The following STAT1 variants were observed in gnomAD, a reference collection of about 807,000 sequenced individuals.
STAT1 encodes signal transducer and activator of transcription 1, also known as signal transducer and activator of transcription 1-alpha/beta.
Under a neutral mutation model 111.7 loss-of-function variants are expected in STAT1, and 24 were observed. That is an observed-to-expected ratio of 0.21 (90% confidence interval 0.16 to 0.30). The LOEUF (loss-of-function observed/expected upper bound fraction) is 0.30. Among genes scored for constraint, STAT1 ranks in the 10% least tolerant of loss-of-function variants. The pLI, the probability that STAT1 is intolerant of heterozygous loss-of-function variation, is 1.00. For missense variants in STAT1, 351 were observed against 911.9 expected, an observed-to-expected ratio of 0.38 and a Z score of 7.92; for synonymous variants, 332 against 326.5, an observed-to-expected ratio of 1.02 and a Z score of -0.18.
Position 190,979,774 on chromosome 2 carries a change from A to C in STAT1, c.1725T>G (p.Asp575Glu). Residue 575 changes from aspartate to glutamate, a missense_variant and splice_region_variant, in exon 20 of 25, where the codon GAT (aspartate) becomes GAG (glutamate). Around this residue, in one of 7 missense-constraint regions of STAT1, gnomAD observed 181 missense variants for 426.1 expected, o/e 0.42. Coordinates refer to ENST00000361099, the MANE Select transcript of STAT1 (RefSeq NM_007315.4). This position sits in a 1 kb window ranked among gnomAD's most constrained non-coding sequence, Gnocchi z 5.8. ...ATACATCTATCGGTGGCCCTTACCC[A>C]TCATTCCAGAGAGGGAGCAGGTGTT... is the stretch of plus-strand genomic sequence containing the variant. Reference protein sequence around the residue: ...IKKHLLPLWNDGCIMGFISKE... With the variant: ...IKKHLLPLWNEGCIMGFISKE... The C allele has an allele frequency of 6.2e-7, 1 of 1,611,920 alleles. No individual in the cohort carries two copies. The highest frequency in any genetic ancestry group is 8.5e-7 in the Non-Finnish European group (1 of 1,177,976).
In STAT1 at chr2:190,975,222, G is replaced by A. The variant is rs1235916541; in HGVS notation, c.2136-290C>T. 9 of 460,680 alleles carry A rather than the reference G, an allele frequency of 2.0e-5. No individual in the cohort carries two copies. The highest frequency in any genetic ancestry group is 7.4e-5 in the South Asian group (4 of 54,304). The allele number at this position is 460,680 out of a possible 1,614,324, so 28.5% of individuals were successfully genotyped here. A position where few individuals can be genotyped will look rare whatever the true frequency, so the allele number is the denominator to read the frequency against. The stretch of plus-strand genomic sequence containing the variant: ...GGTAAGCCTAGGTGTGAGCATGTGC[G>A]GTGCACTACCCTGAGATGACAATGC... On this transcript the variant is annotated intron_variant, in intron 23 of 24. Coordinates refer to ENST00000361099, the MANE Select transcript of STAT1 (RefSeq NM_007315.4). The surrounding 1 kb of genome is among the most constrained non-coding windows in gnomAD (Gnocchi z 5.9).
chr2:190,988,521 G>A (rs908732045), intron 12 of STAT1, among the ~76,000 whole-genome samples: 46 of 152,236 alleles, frequency 3.0e-4, no homozygotes, highest in African/African-American at 9.4e-4. Flanking sequence ...TGTGATTACC[G>A]GTGCACACCA....
intron 10 of STAT1, 57 bp from the exon 11 acceptor site, chr2:190,991,377 T>A: frequency 6.5e-7 from 1 of 1,539,556 alleles, no homozygotes; most frequent in South Asian, 1.1e-5. Context: ...GTTGAGGCAA[T>A]CACAATGATT....
chr2:190,992,347 A>C (rs1693430500), intron 10 of STAT1, among the ~76,000 whole-genome samples: 1 of 152,210 alleles, frequency 6.6e-6, no homozygotes, highest in Non-Finnish European at 1.5e-5. Context: ...AAACATCAAA[A>C]CAAAATATAT....
Position 190,997,961 on chromosome 2 carries a change from G to T in STAT1, c.680C>A (p.Thr227Asn), listed in dbSNP as rs1386912031. 1 of 1,614,218 alleles carries T rather than the reference G, an allele frequency of 6.2e-7. No homozygotes were observed. The highest frequency in any genetic ancestry group is 8.5e-7 in the Non-Finnish European group (1 of 1,180,042). The change falls in exon 9 of 25, where the codon ACC (threonine) becomes AAC (asparagine). Residue 227 changes from threonine (T) to asparagine (N), a missense_variant. Thr to Asn is a moderately conservative substitution (Grantham distance 65). Coordinates refer to ENST00000361099, the MANE Select transcript of STAT1 (RefSeq NM_007315.4). The surrounding 1 kb of genome is among the most constrained non-coding windows in gnomAD (Gnocchi z 7.3). ...TTCATCATTAATCAGGGCATTCTGG[G>T]TAAGTTCAGTGACATTCAGCAACTC... ...IIELLNVTEL[T>N]QNALINDELV...
Position 190,986,771 on chromosome 2 carries a change from G to A in STAT1, c.1221+83C>T. The A allele has an allele frequency of 1.5e-6, 2 of 1,335,852 alleles. No individual in the cohort carries two copies. Among genetic ancestry groups the A allele is most frequent in the South Asian group, 1.2e-5 (1 of 85,338 alleles). The allele number at this position is 1,335,852 out of a possible 1,614,324, so 82.7% of individuals were successfully genotyped here. Reference sequence around the variant, plus strand: ...CCCAGCAGGGGGGCGTCCTCCACATGGCAATGTGCCAAAAAGGGCTGCTCT... The same window carrying A: ...CCCAGCAGGGGGGCGTCCTCCACATAGCAATGTGCCAAAAAGGGCTGCTCT... On this transcript the variant is annotated intron_variant, in intron 14 of 24. Transcript: ENST00000361099. The surrounding 1 kb of genome is among the most constrained non-coding windows in gnomAD (Gnocchi z 5.0).
intron 2 of STAT1, among the ~76,000 whole-genome samples, chr2:191,013,234 T>C (rs1695278219): frequency 6.6e-6 from 1 of 152,238 alleles, no homozygotes; most frequent in South Asian, 2.1e-4. Context: ...CACAATGGAC[T>C]GTGCTGGAGG....
Position 190,970,317 on chromosome 2 carries a change from A to G in STAT1, c.*386T>C. ...TCCTACGTCAAGCAGTTCCCTAAAT[A>G]ACCACTGATTTATCCAACAACCTAT... On this transcript the variant is annotated 3_prime_UTR_variant, in exon 25 of 25. Transcript: ENST00000361099. This position sits in a 1 kb window ranked among gnomAD's most constrained non-coding sequence, Gnocchi z 5.4. 4 of 279,650 alleles carry G rather than the reference A, an allele frequency of 1.4e-5. No individual in the cohort carries two copies. The highest frequency in any genetic ancestry group is 2.8e-5 in the Non-Finnish European group (4 of 142,764). 17.3% of individuals were successfully genotyped at this position (279,650 alleles called of 1,614,324 possible).
At position 191,006,233 on chromosome 2, in the gene STAT1, A is replaced by G. The variant is rs948707562; in HGVS notation, c.372+1330T>C. Among the ~76,000 whole-genome samples, 1 of 152,140 alleles carries G rather than the reference A, an allele frequency of 6.6e-6. No individual in the cohort carries two copies. Among genetic ancestry groups the G allele is most frequent in the African/African-American group, 2.4e-5 (1 of 41,424 alleles). On this transcript the variant is annotated intron_variant, in intron 5 of 24. Transcript: ENST00000361099. This position sits in a 1 kb window ranked among gnomAD's most constrained non-coding sequence, Gnocchi z 4.6. ...ATATAATCAAAACTGCCGGCTGAAA[A>G]TCTCCCAGGTATATGCCAGGTTAGA...
chr2:190,985,549 C>A, intron 15 of STAT1, 70 bp downstream of exon 15: 2 of 1,556,354 alleles, frequency 1.3e-6, no homozygotes, highest in African/African-American at 2.7e-5. Flanking sequence ...TCCCCAGCCA[C>A]CAACTGACCT....
chr2:191,010,612 A>G (rs914054445), intron 2 of STAT1, among the ~76,000 whole-genome samples: 3 of 151,476 alleles, frequency 2.0e-5, no homozygotes, highest in Admixed American at 2.0e-4. Context: ...ATCACAGTAC[A>G]TTTGTAATTT....
chr2:190,970,439 G>A lies in STAT1; in HGVS notation c.*264C>T. The stretch of plus-strand genomic sequence containing the variant: ...TCATTCTCGTCCTGATACTTTGGGT[G>A]TATCTGGATGTTTTTCACTTGTGAA... On this transcript the variant is annotated 3_prime_UTR_variant, in exon 25 of 25. Transcript: ENST00000361099. The surrounding 1 kb of genome is among the most constrained non-coding windows in gnomAD (Gnocchi z 5.4). 1.9e-6 allele frequency: 1 copy of A among 540,446 alleles called. No homozygotes were observed. The allele number at this position is 540,446 out of a possible 1,614,324, so 33.5% of individuals were successfully genotyped here.
At chr2:190,985,190 A>G (rs993785324) in intron 15 of STAT1, among the ~76,000 whole-genome samples, 4 of 152,238 alleles carry the variant, frequency 2.6e-5, no homozygotes, top group Middle Eastern at 3.2e-3. Flanking sequence ...ACTGATGCAA[A>G]GGCAATGCTT....
At chr2:190,992,147 G>A (rs1026002548) in intron 10 of STAT1, among the ~76,000 whole-genome samples, 1 of 152,144 alleles carries the variant, frequency 6.6e-6, no homozygotes, top group African/African-American at 2.4e-5. Context: ...GTATGAAGAA[G>A]CTATTAATCA....
intron 10 of STAT1, chr2:190,992,660 C>A: frequency 8.1e-7 from 1 of 1,241,712 alleles, no homozygotes; most frequent in Non-Finnish European, 1.0e-6. Context: ...CTCCACCTGA[C>A]TGCTTGACCA....
intron 10 of STAT1, chr2:190,992,712 G>A: frequency 8.0e-7 from 1 of 1,250,210 alleles, no homozygotes. Context: ...AGCACCACCA[G>A]CTGTTGCTCC....
Position 191,003,329 on chromosome 2 carries a change from A to T in STAT1, c.373-2166T>A, listed in dbSNP as rs150789614. On this transcript the variant is annotated intron_variant, in intron 5 of 24. Transcript: ENST00000361099. The surrounding 1 kb of genome is among the most constrained non-coding windows in gnomAD (Gnocchi z 4.0). ...GCGGTTGGAATAAGTTGTCACTTTG[A>T]GGAGTTCCATACAGCTTTCTGCCTG... Among the ~76,000 whole-genome samples, 1 of 152,354 alleles carries T rather than the reference A, an allele frequency of 6.6e-6. No homozygotes were observed. The highest frequency in any genetic ancestry group is 2.4e-5 in the African/African-American group (1 of 41,574).
In STAT1 at chr2:190,980,600, A is replaced by C; in HGVS notation, c.1632+20T>G. On this transcript the variant is annotated intron_variant, in intron 19 of 24. Transcript: ENST00000361099. This position sits in a 1 kb window ranked among gnomAD's most constrained non-coding sequence, Gnocchi z 6.1. The stretch of plus-strand genomic sequence containing the variant: ...AGAGCAAAAAGGACTTAGAGAGCAT[A>C]AAACCCAGACAGTCCTCACCTTACA... The C allele has an allele frequency of 6.2e-7, 1 of 1,613,894 alleles. No individual in the cohort carries two copies. Among genetic ancestry groups the C allele is most frequent in the Non-Finnish European group, 8.5e-7 (1 of 1,179,710 alleles).
chr2:191,010,646 G>T (rs199819435), intron 2 of STAT1, among the ~76,000 whole-genome samples: 14 of 149,868 alleles, frequency 9.3e-5, no homozygotes, highest in South Asian at 8.4e-4. Flanking sequence ...TCAAACTTCT[G>T]TTTTATATTT....
Sources: gnomAD v4.1 joint callset for allele counts (sites outside exome capture counted in the v4.1 genomes callset) on GRCh38, gnomAD v4.1.1 for gene constraint, gnomAD v4.1.1 regional missense constraint, Gnocchi (gnomAD v3.1) non-coding constraint, MANE v1.5 for transcripts, NCBI Gene and HGNC (gene_info 2026-07-23, HGNC 2026-07-21) for gene names.